The following SLC7A11 variants were observed in gnomAD, a reference collection of about 807,000 sequenced individuals.
SLC7A11 encodes cystine/glutamate transporter.
SLC7A11 carries 35 observed loss-of-function variants against 54.5 expected under a neutral mutation model. The ratio of observed to expected loss-of-function variants is 0.64; its 90% CI spans 0.49 to 0.85. The LOEUF (loss-of-function observed/expected upper bound fraction) is 0.85, where lower values mean the gene tolerates loss of function less well. SLC7A11 is among the 40% of genes least tolerant of loss of function. The pLI is 0.00. For missense variants in SLC7A11, 583 were observed against 618.1 expected (o/e 0.94, Z 0.60); for synonymous variants, 230 against 225.2 (o/e 1.02, Z -0.19).
At chr4:138,203,276 G>A (rs1296670685) in intron 6 of SLC7A11, among the ~76,000 whole-genome samples, 1 of 151,976 alleles carries the variant, frequency 6.6e-6, no homozygotes, top group African/African-American at 2.4e-5. Flanking sequence ...CCCCTAAATT[G>A]TGGCTAAACA....
Position 138,166,991 on chromosome 4 carries a change from A to C in SLC7A11, c.*4965T>G, listed in dbSNP as rs2148402898. On this transcript the variant is annotated 3_prime_UTR_variant, in exon 12 of 12. Transcript: ENST00000280612. ...GTATACCTGATCTAAAATTAGACAA[A>C]ACATTTATTTTTAGACACCAACTAA... The C allele has an allele frequency of 6.6e-6, 1 of 152,260 alleles. No individual in the cohort carries two copies. Among genetic ancestry groups the C allele is most frequent in the South Asian group, 2.1e-4 (1 of 4,820 alleles). 9.4% of individuals were successfully genotyped at this position (152,260 alleles called of 1,614,324 possible). A position where few individuals can be genotyped will look rare whatever the true frequency, so the allele number is the denominator to read the frequency against.
chr4:138,180,349 C>T (rs1736705442), intron 10 of SLC7A11, among the ~76,000 whole-genome samples: 1 of 152,114 alleles, frequency 6.6e-6, no homozygotes, highest in Non-Finnish European at 1.5e-5. Context: ...TTGAGTATAT[C>T]AGGTCATTGA....
intron 10 of SLC7A11, 82 bp from the exon 11 acceptor site, chr4:138,179,476 A>G: frequency 8.2e-7 from 1 of 1,218,214 alleles, no homozygotes; most frequent in Non-Finnish European, 1.2e-6. Context: ...GTCAGTCATG[A>G]CATATACTTT....
At chr4:138,215,782 A>C (rs1302747223) in intron 5 of SLC7A11, among the ~76,000 whole-genome samples, 2 of 151,902 alleles carry the variant, frequency 1.3e-5, no homozygotes, top group Non-Finnish European at 2.9e-5. Context: ...CACACTAAAA[A>C]ACAAACACCA....
At chr4:138,239,076 T>C (rs1244462580) in intron 1 of SLC7A11, among the ~76,000 whole-genome samples, 1 of 152,252 alleles carries the variant, frequency 6.6e-6, no homozygotes, top group Non-Finnish European at 1.5e-5. Context: ...GTATTTCATC[T>C]ACCTATAACT....
chr4:138,230,035 A>G (rs1012784259), intron 3 of SLC7A11, among the ~76,000 whole-genome samples: 2 of 152,166 alleles, frequency 1.3e-5, no homozygotes, highest in Admixed American at 6.5e-5. Context: ...GGAACAGTGG[A>G]CTTATCAAGA....
intron 6 of SLC7A11, among the ~76,000 whole-genome samples, chr4:138,192,223 A>T (rs1737028916): frequency 6.6e-6 from 1 of 152,162 alleles, no homozygotes; most frequent in Non-Finnish European, 1.5e-5. Context: ...AACAGACACC[A>T]CATTTCCCAG....
Position 138,171,225 on chromosome 4 carries a change from A to G in SLC7A11, c.*731T>C, listed in dbSNP as rs1264190089. 6.6e-6 allele frequency: 1 copy of G among 152,164 alleles called. No individual in the cohort carries two copies. The highest frequency in any genetic ancestry group is 2.4e-5 in the African/African-American group (1 of 41,448). The allele number at this position is 152,164 out of a possible 1,614,324, so 9.4% of individuals were successfully genotyped here. A position where few individuals can be genotyped will look rare whatever the true frequency, so the allele number is the denominator to read the frequency against. Reference sequence around the variant, plus strand: ...TTTCCTGATCAAACTGATGTGAAAAAAAAAAATGACAGATAACTAAAACTT... The same window carrying G: ...TTTCCTGATCAAACTGATGTGAAAAGAAAAAATGACAGATAACTAAAACTT... On this transcript the variant is annotated 3_prime_UTR_variant, in exon 12 of 12. Transcript: ENST00000280612.
At chr4:138,225,359 C>T (rs566311554) in intron 3 of SLC7A11, among the ~76,000 whole-genome samples, 6 of 151,240 alleles carry the variant, frequency 4.0e-5, no homozygotes, top group South Asian at 4.2e-4. Context: ...GGGTTACTAA[C>T]GAAGAAATAT....
intron 6 of SLC7A11, among the ~76,000 whole-genome samples, chr4:138,197,484 A>C (rs1321440979): frequency 2.0e-5 from 3 of 152,128 alleles, no homozygotes; most frequent in Non-Finnish European, 2.9e-5. Flanking sequence ...AAGAAGAAAA[A>C]TAAGTCAAGT....
At chr4:138,214,238 C>T (rs1013808218) in intron 6 of SLC7A11, among the ~76,000 whole-genome samples, 6 of 152,012 alleles carry the variant, frequency 3.9e-5, no homozygotes, top group African/African-American at 1.2e-4. Flanking sequence ...TGAGTTCAAG[C>T]TATCCCGTGG....
chr4:138,198,374 T>C (rs4241938), intron 6 of SLC7A11, among the ~76,000 whole-genome samples: 62,188 of 152,038 alleles, frequency 0.41, 13,698 homozygotes, highest in Middle Eastern at 0.6. Flanking sequence ...TCAATACCCA[T>C]AATATACAAA....
chr4:138,182,285 A>G lies in SLC7A11; in HGVS notation c.1116+12T>C, dbSNP rs987093390. Reference sequence around the variant, plus strand: ...AAGGTTATATCTAGATATACTTGTTAATATGCATTACCAAAACAATAACAG... The same window carrying G: ...AAGGTTATATCTAGATATACTTGTTGATATGCATTACCAAAACAATAACAG... On this transcript the variant is annotated intron_variant, in intron 9 of 11. Coordinates refer to ENST00000280612, the MANE Select transcript of SLC7A11 (RefSeq NM_014331.4). 6.6e-7 allele frequency: 1 copy of G among 1,514,364 alleles called. No homozygotes were observed. 93.8% of individuals were successfully genotyped at this position (1,514,364 alleles called of 1,614,324 possible).
At chr4:138,202,368 A>T (rs574089064) in intron 6 of SLC7A11, among the ~76,000 whole-genome samples, 1 of 152,184 alleles carries the variant, frequency 6.6e-6, no homozygotes, top group African/African-American at 2.4e-5. Context: ...CAGATGTAAT[A>T]ACTAAGTTTC....
chr4:138,219,770 C>T (rs1469092112), intron 4 of SLC7A11, among the ~76,000 whole-genome samples: 1 of 152,028 alleles, frequency 6.6e-6, no homozygotes, highest in Non-Finnish European at 1.5e-5. Flanking sequence ...GAGAGGTATC[C>T]AAGGTTCTAC....
At chr4:138,215,920 T>C (rs1319131571) in intron 5 of SLC7A11, among the ~76,000 whole-genome samples, 1 of 152,124 alleles carries the variant, frequency 6.6e-6, no homozygotes, top group Non-Finnish European at 1.5e-5. Flanking sequence ...AGAAAGAAAA[T>C]ATTTATGAAA....
chr4:138,181,614 GC>G (rs1297671216), intron 9 of SLC7A11, among the ~76,000 whole-genome samples: 2 of 152,094 alleles, frequency 1.3e-5, no homozygotes, highest in Non-Finnish European at 2.9e-5. Flanking sequence ...ATTCTGTGGT[GC>G]TCCTGACAAC....
At chr4:138,196,183 GC>G (rs1737127625) in intron 6 of SLC7A11, among the ~76,000 whole-genome samples, 1 of 152,070 alleles carries the variant, frequency 6.6e-6, no homozygotes, top group Non-Finnish European at 1.5e-5. Flanking sequence ...GTAATAAAAA[GC>G]AGGAAATCTC....
chr4:138,179,536 A>G (rs1736669138), intron 10 of SLC7A11, 142 bp from the exon 11 acceptor site: 1 of 622,868 alleles, frequency 1.6e-6, no homozygotes, highest in Non-Finnish European at 2.8e-6. Context: ...AACGTGCCTT[A>G]GTAGCAAAAT....
Sources: allele counts gnomAD v4.1 joint callset (sites outside exome capture counted in the v4.1 genomes callset), GRCh38; gene constraint gnomAD v4.1.1; transcripts MANE v1.5; gene names NCBI Gene and HGNC (gene_info 2026-07-23, HGNC 2026-07-21).